TRAPPC8: variants seen among roughly 807,000 people sequenced by gnomAD.
The protein encoded by TRAPPC8 is trafficking protein particle complex subunit 8.
Under a neutral mutation model 174.3 loss-of-function variants are expected in TRAPPC8, and 54 were observed. That is an observed-to-expected ratio of 0.31 (90% CI 0.25 to 0.39). TRAPPC8 has a LOEUF of 0.39. Among genes scored for constraint, TRAPPC8 ranks in the 10% least tolerant of loss-of-function variants. The pLI, the probability that TRAPPC8 is intolerant of heterozygous loss-of-function variation, is 1.00. For synonymous variants in TRAPPC8, 630 were observed against 579.9 expected, an observed-to-expected ratio of 1.09 and a Z score of -1.24; for missense variants, 1,531 against 1,699.1, an observed-to-expected ratio of 0.90 and a Z score of 1.74.
chr18:31,929,892 A>C (rs1193952546), intron 2 of TRAPPC8, among the ~76,000 whole-genome samples: 2 of 152,234 alleles, frequency 1.3e-5, no homozygotes, highest in South Asian at 4.1e-4. Flanking sequence ...GGAACTGTTA[A>C]GAAATTCAGA....
In TRAPPC8 at chr18:31,837,967, T is replaced by TAA. The variant is rs35815014; in HGVS notation, c.3983+1343_3983+1344dup. On this transcript the variant is annotated intron_variant, in intron 27 of 28. Coordinates refer to ENST00000283351, the MANE Select transcript of TRAPPC8 (RefSeq NM_014939.5). ...TAGCTTTGTTAAAAAAAAAATCACT[T>TAA]AAAAAAAAAAAAAAAAAAGAGAGAC... Among the ~76,000 whole-genome samples the TAA allele has an allele frequency of 7.8e-4, 101 of 129,034 alleles. 1 individual carries two copies. The highest frequency in any genetic ancestry group is 7.8e-3 in the Middle Eastern group (2 of 256). 84.7% of individuals were successfully genotyped at this position (129,034 alleles called of 152,430 possible).
intron 2 of TRAPPC8, 23 bp from the exon 3 acceptor site, chr18:31,917,690 C>G: frequency 6.3e-7 from 1 of 1,586,982 alleles, no homozygotes. Flanking sequence ...ATATACAAAA[C>G]AGTTAAAAGT....
At chr18:31,923,698 CATAAAA>C (rs1206408812) in intron 2 of TRAPPC8, among the ~76,000 whole-genome samples, 3 of 148,614 alleles carry the variant, frequency 2.0e-5, no homozygotes, top group Non-Finnish European at 4.5e-5. Flanking sequence ...TCATGGCCAA[CATAAAA>C]ATAAAGCTGA....
rs11660777 is a variant in TRAPPC8 at position 31,846,706 on chromosome 18, A to G, written c.3837+10T>C. 0.18 allele frequency: 292,769 copies of G among 1,585,534 alleles called. 29,536 individuals are homozygous for G. Among genetic ancestry groups the G allele is most frequent in the South Asian group, 0.33 (29,012 of 87,642 alleles). On this transcript the variant is annotated intron_variant, in intron 26 of 28. Transcript: ENST00000283351. The stretch of plus-strand genomic sequence containing the variant: ...TCACCAGAAAGCTCCAAAGCAAACT[A>G]TGTTATCACCTGTTTCTGAGGATAT...
intron 25 of TRAPPC8, among the ~76,000 whole-genome samples, chr18:31,849,167 AGAG>A (rs2033571144): frequency 6.6e-6 from 1 of 152,018 alleles, no homozygotes; most frequent in South Asian, 2.1e-4. Flanking sequence ...TAACAATAAA[AGAG>A]AAGAGAAGGT....
Position 31,871,032 on chromosome 18 carries a change from A to G in TRAPPC8, c.2151T>C (p.Val717=), listed in dbSNP as rs2034830981. The change falls in exon 15 of 29, where the codon GTT becomes GTC. Residue 717 remains valine (V), a synonymous_variant. Coordinates refer to ENST00000283351, the MANE Select transcript of TRAPPC8 (RefSeq NM_014939.5). ...TTACTCCTTTGTTAACCACAGAAAC[A>G]ACTTGTTCCTCAAGTTCTCGCCACT... is the stretch of plus-strand genomic sequence containing the variant. The part of the protein sequence containing the change: ...SQQWRELEEQ[V]VSVVNKGVIP... 1 of 1,611,382 alleles carries G rather than the reference A, an allele frequency of 6.2e-7. No individual in the cohort carries two copies. The highest frequency in any genetic ancestry group is 8.5e-7 in the Non-Finnish European group (1 of 1,178,416).
intron 9 of TRAPPC8, among the ~76,000 whole-genome samples, chr18:31,906,545 ACTT>A (rs1171087368): frequency 2.0e-5 from 3 of 152,186 alleles, no homozygotes; most frequent in Non-Finnish European, 4.4e-5. Context: ...ATTCTTATAA[ACTT>A]TTTTCTTCAC....
chr18:31,845,565 G>T (rs1315497166), intron 26 of TRAPPC8, among the ~76,000 whole-genome samples: 1 of 151,650 alleles, frequency 6.6e-6, no homozygotes, highest in Admixed American at 6.6e-5. Flanking sequence ...CAATTTACTT[G>T]GGAGTAATTA....
chr18:31,869,015 T>G (rs1266582629), intron 16 of TRAPPC8, among the ~76,000 whole-genome samples: 1 of 151,802 alleles, frequency 6.6e-6, no homozygotes, highest in Non-Finnish European at 1.5e-5. Flanking sequence ...TTTTTTTTTT[T>G]GCCACATTAT....
intron 12 of TRAPPC8, among the ~76,000 whole-genome samples, chr18:31,880,128 T>A (rs2035374573): frequency 7.2e-6 from 1 of 138,700 alleles, no homozygotes; most frequent in Admixed American, 7.2e-5. Flanking sequence ...TATATTTTTT[T>A]TTTTTTAAGG....
chr18:31,942,886 A>C lies in TRAPPC8; in HGVS notation c.-122T>G. 1.6e-6 allele frequency: 2 copies of C among 1,247,968 alleles called. No individual in the cohort carries two copies. Among genetic ancestry groups the C allele is most frequent in the South Asian group, 6.9e-5 (2 of 28,842 alleles). 77.3% of individuals were successfully genotyped at this position (1,247,968 alleles called of 1,614,324 possible). A position where few individuals can be genotyped will look rare whatever the true frequency, so the allele number is the denominator to read the frequency against. ...CCCGGCCGGGCGGGGCCCCGAACGC[A>C]CTGGAGCCTAGAAACAAGAAGGAAC... is the stretch of plus-strand genomic sequence containing the variant. On this transcript the variant is annotated 5_prime_UTR_variant, in exon 1 of 29. Coordinates refer to ENST00000283351, the MANE Select transcript of TRAPPC8 (RefSeq NM_014939.5).
intron 12 of TRAPPC8, among the ~76,000 whole-genome samples, chr18:31,884,777 T>G (rs1189729024): frequency 6.6e-6 from 1 of 151,870 alleles, no homozygotes; most frequent in Non-Finnish European, 1.5e-5. Flanking sequence ...GGGGCCAAGG[T>G]GGGATGATCT....
At chr18:31,931,182 C>T (rs1369530179) in intron 2 of TRAPPC8, 147 bp downstream of exon 2, 6 of 591,238 alleles carry the variant, frequency 1.0e-5, no homozygotes, top group Non-Finnish European at 1.5e-5. Flanking sequence ...AGGCAAAGTT[C>T]CTAGGACTGT....
chr18:31,908,712 A>G (rs867909661), intron 7 of TRAPPC8, 42 bp downstream of exon 7: 3 of 1,468,060 alleles, frequency 2.0e-6, no homozygotes, highest in South Asian at 1.5e-5. Context: ...TTTACTATTT[A>G]CTTAAATTTT....
At position 31,839,467 on chromosome 18, in the gene TRAPPC8, G is replaced by T. The variant is rs1403087290; in HGVS notation, c.3838-10C>A. On this transcript the variant is annotated splice_polypyrimidine_tract_variant and intron_variant, in intron 26 of 28. Coordinates refer to ENST00000283351, the MANE Select transcript of TRAPPC8 (RefSeq NM_014939.5). ...CCATTTCTGGTGGCTCCTGAGAAAA[G>T]AAAGAAAAAACATATGACAATAAAA... 1.4e-6 allele frequency: 2 copies of T among 1,465,472 alleles called. No individual in the cohort carries two copies. Among genetic ancestry groups the T allele is most frequent in the Admixed American group, 2.4e-5 (1 of 42,246 alleles). The allele number at this position is 1,465,472 out of a possible 1,614,324, so 90.8% of individuals were successfully genotyped here. A position where few individuals can be genotyped will look rare whatever the true frequency, so the allele number is the denominator to read the frequency against.
At chr18:31,857,152 TAAAAC>T (rs1320592517) in intron 20 of TRAPPC8, among the ~76,000 whole-genome samples, 1 of 152,134 alleles carries the variant, frequency 6.6e-6, no homozygotes, top group Non-Finnish European at 1.5e-5. Flanking sequence ...AGGGAAAAGG[TAAAAC>T]AAAACAATTT....
rs751640345 is a variant in TRAPPC8, at chr18:31,857,676, G to C, written c.3052C>G (p.Pro1018Ala). The C allele has an allele frequency of 6.2e-7, 1 of 1,614,000 alleles. No individual in the cohort carries two copies. Among genetic ancestry groups the C allele is most frequent in the Non-Finnish European group, 8.5e-7 (1 of 1,180,026 alleles). The change falls in exon 20 of 29, where the codon CCC (proline) becomes GCC (alanine). Residue 1018 changes from proline (P) to alanine (A), a missense_variant. By Grantham distance (27) the Pro-to-Ala change is conservative. Transcript: ENST00000283351. The part of the protein sequence containing the change: ...TGSQPEVIPV[P>A]LPDTVLLPGA... Reference sequence around the variant, plus strand: ...GGTAGAAGAACAGTGTCAGGAAGGGGAACAGGAATCACCTCTGGTTGACTT... The same window carrying C: ...GGTAGAAGAACAGTGTCAGGAAGGGCAACAGGAATCACCTCTGGTTGACTT...
At chr18:31,847,156 C>T (rs1351190238) in intron 25 of TRAPPC8, among the ~76,000 whole-genome samples, 1 of 152,168 alleles carries the variant, frequency 6.6e-6, no homozygotes, top group Non-Finnish European at 1.5e-5. Context: ...TACCAATATA[C>T]AGCTAAAAGG....
chr18:31,921,605 C>G (rs1431207160), intron 2 of TRAPPC8, among the ~76,000 whole-genome samples: 1 of 142,032 alleles, frequency 7.0e-6, no homozygotes, highest in Admixed American at 7.3e-5. Context: ...GATGACAGAG[C>G]GAGACTCCGT....
Sources: gnomAD v4.1 joint callset for allele counts (sites outside exome capture counted in the v4.1 genomes callset) on GRCh38, gnomAD v4.1.1 for gene constraint, MANE v1.5 for transcripts, NCBI Gene and HGNC (gene_info 2026-07-23, HGNC 2026-07-21) for gene names.